Variants in CERS4 observed in about 807,000 individuals in gnomAD.
CERS4 encodes ceramide synthase 4.
CERS4 carries 65 observed loss-of-function variants against 51.8 expected under a neutral mutation model. The observed-to-expected ratio is 1.26, with a 90% CI of 1.03 to 1.54. The LOEUF is 1.54. CERS4 is among the 40% of genes most tolerant of loss of function. The pLI is 0.00. For synonymous variants in CERS4, 228 were observed against 208.4 expected (o/e 1.09, Z -0.81); for missense variants, 563 against 500.4 (o/e 1.13, Z -1.19).
chr19:8,223,118 G>C (rs1196384467), intron 2 of CERS4, among the ~76,000 whole-genome samples: 1 of 151,678 alleles, frequency 6.6e-6, no homozygotes. Flanking sequence ...AGGATCACTT[G>C]AGGCCAGGAG....
chr19:8,241,140 G>A (rs1297081718), intron 2 of CERS4, among the ~76,000 whole-genome samples: 1 of 152,120 alleles, frequency 6.6e-6, no homozygotes, highest in Non-Finnish European at 1.5e-5. Context: ...AAGGGAAGGT[G>A]GCAGGGGCAA....
In CERS4 at chr19:8,251,369, G is replaced by A. The variant is rs543600835; in HGVS notation, c.173+120G>A. Reference sequence around the variant, plus strand: ...GTAGAAGCTGGCTTTGCACCAAAGCGCGTTCCCTGGCTCCAGCCTGCCCCC... The same window carrying A: ...GTAGAAGCTGGCTTTGCACCAAAGCACGTTCCCTGGCTCCAGCCTGCCCCC... On this transcript the variant is annotated intron_variant, in intron 3 of 11. Transcript: ENST00000251363. 2.9e-5 allele frequency: 41 copies of A among 1,423,612 alleles called. No individual in the cohort carries two copies. In the South Asian group the frequency reaches 3.1e-4, roughly 11 times the overall value. The allele number at this position is 1,423,612 out of a possible 1,614,324, so 88.2% of individuals were successfully genotyped here.
intron 2 of CERS4, among the ~76,000 whole-genome samples, chr19:8,212,288 G>A (rs941456247): frequency 1.2e-4 from 19 of 152,196 alleles, no homozygotes; most frequent in Non-Finnish European, 2.2e-4. Flanking sequence ...GTAATGGTGG[G>A]GCTGGACCAG....
intron 3 of CERS4, among the ~76,000 whole-genome samples, chr19:8,253,529 G>A (rs1240339722): frequency 7.0e-6 from 1 of 141,994 alleles, no homozygotes; most frequent in African/African-American, 2.7e-5. Context: ...GTGCGATCTC[G>A]ACTCACTGCC....
intron 2 of CERS4, among the ~76,000 whole-genome samples, chr19:8,234,647 G>A (rs909421215): frequency 2.7e-5 from 4 of 145,860 alleles, no homozygotes; most frequent in South Asian, 2.2e-4. Flanking sequence ...TCTGCTTCCC[G>A]GGTTCAAGCA....
chr19:8,256,869 G>A, intron 8 of CERS4, 80 bp from the exon 9 acceptor site: 2 of 1,607,272 alleles, frequency 1.2e-6, no homozygotes, highest in Non-Finnish European at 1.7e-6. Context: ...CCCCCTGAAA[G>A]GACCCACTTC....
At chr19:8,245,439 C>T (rs952003280) in intron 2 of CERS4, among the ~76,000 whole-genome samples, 9 of 151,480 alleles carry the variant, frequency 5.9e-5, no homozygotes, top group African/African-American at 1.5e-4. Flanking sequence ...TTTGTAGAGA[C>T]AGTTTCGCTA....
intron 2 of CERS4, among the ~76,000 whole-genome samples, chr19:8,249,872 G>A (rs1014485779): frequency 1.3e-5 from 2 of 151,902 alleles, no homozygotes; most frequent in Non-Finnish European, 2.9e-5. Context: ...TACAGGCAGT[G>A]AGCCACTGAG....
intron 2 of CERS4, among the ~76,000 whole-genome samples, chr19:8,233,527 G>A (rs2967625): frequency 0.46 from 69,264 of 151,560 alleles, 15,990 homozygotes; most frequent in Non-Finnish European, 0.48. Context: ...GAAAGAGCTG[G>A]CCTGATGTGG....
rs76848957 is a variant in CERS4 at position 8,262,143 on chromosome 19, C to G, written c.*34C>G. 65 of 1,428,822 alleles carry G rather than the reference C, an allele frequency of 4.5e-5. No individual in the cohort carries two copies. The South Asian group carries it at 5.0e-4, about 11-fold the overall frequency. The allele number at this position is 1,428,822 out of a possible 1,614,324, so 88.5% of individuals were successfully genotyped here. A position where few individuals can be genotyped will look rare whatever the true frequency, so the allele number is the denominator to read the frequency against. ...GGCTGGCTGTAAGGGGTTGCCCCCC[C>G]GCCAGTGCCTTGGATATTTCTGGGG... On this transcript the variant is annotated 3_prime_UTR_variant, in exon 12 of 12. Transcript: ENST00000251363.
At chr19:8,248,545 G>T (rs1968890282) in intron 2 of CERS4, among the ~76,000 whole-genome samples, 1 of 151,814 alleles carries the variant, frequency 6.6e-6, no homozygotes, top group African/African-American at 2.4e-5. Flanking sequence ...ATGATGGCTG[G>T]GTGGACAGAT....
rs1394487333 is a variant in CERS4 at position 8,257,869 on chromosome 19, C to T, written c.742-10C>T. The stretch of plus-strand genomic sequence containing the variant: ...GTCCTGAGCCCATTTCTCCCTGCTG[C>T]CCTTTCCAGGCCTGTAAGATGGTCA... On this transcript the variant is annotated splice_polypyrimidine_tract_variant and intron_variant, in intron 9 of 11. Transcript: ENST00000251363. 6.2e-7 allele frequency: 1 copy of T among 1,609,636 alleles called. No homozygotes were observed. Among genetic ancestry groups the T allele is most frequent in the African/African-American group, 1.3e-5 (1 of 74,820 alleles).
At chr19:8,229,574 T>C (rs1028203929) in intron 2 of CERS4, among the ~76,000 whole-genome samples, 1 of 151,744 alleles carries the variant, frequency 6.6e-6, no homozygotes, top group African/African-American at 2.4e-5. Flanking sequence ...CGCCCAGCTA[T>C]TTTTTTGTAT....
In CERS4 at chr19:8,244,079, C is replaced by T. The variant is rs77433749; in HGVS notation, c.-1-6997C>T. On this transcript the variant is annotated intron_variant, in intron 2 of 11. Coordinates refer to ENST00000251363, the MANE Select transcript of CERS4 (RefSeq NM_024552.3). The stretch of plus-strand genomic sequence containing the variant: ...GGTCTTAAAATGAAGAAGACGGAGG[C>T]AGGAGAGACACTGTCAGAATGACAA... 2.3e-3 allele frequency among the ~76,000 whole-genome samples: 343 copies of T among 152,312 alleles called. 15 individuals carry two copies. The East Asian group carries it at 0.062, about 28-fold the overall frequency.
intron 2 of CERS4, among the ~76,000 whole-genome samples, chr19:8,216,357 C>T (rs1186124986): frequency 2.7e-5 from 4 of 148,314 alleles, no homozygotes; most frequent in Admixed American, 6.8e-5. Flanking sequence ...CCAGCCTGGG[C>T]GACAGAGAGA....
At chr19:8,212,640 A>G (rs56007311) in intron 2 of CERS4, among the ~76,000 whole-genome samples, 4 of 149,638 alleles carry the variant, frequency 2.7e-5, no homozygotes, top group African/African-American at 9.8e-5. Flanking sequence ...TTTAATTATT[A>G]TTTTTTTTAT....
At chr19:8,256,593 C>A in intron 7 of CERS4, 25 bp from the exon 8 acceptor site, 2 of 1,597,052 alleles carry the variant, frequency 1.3e-6, no homozygotes, top group South Asian at 1.1e-5. Flanking sequence ...CTCCCCACAG[C>A]TAACCTTGTC....
At chr19:8,261,628 A>C (rs1411224217) in intron 10 of CERS4, 60 bp from the exon 11 acceptor site, 4 of 1,594,624 alleles carry the variant, frequency 2.5e-6, no homozygotes, top group Non-Finnish European at 3.4e-6. Context: ...AGAAATTCTT[A>C]GGACTGGGGG....
intron 2 of CERS4, 191 bp from the exon 3 acceptor site, chr19:8,250,885 C>A: frequency 7.1e-6 from 10 of 1,414,696 alleles, no homozygotes; most frequent in South Asian, 3.4e-5. Context: ...GAAGTGGTGG[C>A]TCTTCTGGGA....
Sources: allele counts gnomAD v4.1 joint callset (sites outside exome capture counted in the v4.1 genomes callset), GRCh38; gene constraint gnomAD v4.1.1; transcripts MANE v1.5; gene names NCBI Gene and HGNC (gene_info 2026-07-23, HGNC 2026-07-21).